Variants in SUGCT observed in about 807,000 individuals in gnomAD.
SUGCT encodes succinyl-CoA:glutarate-CoA transferase.
SUGCT carries 41 observed loss-of-function variants against 55.0 expected under a neutral mutation model. That is an observed-to-expected ratio of 0.74 (90% CI 0.58 to 0.97). The LOEUF (loss-of-function observed/expected upper bound fraction) is 0.97, where lower values mean the gene tolerates loss of function less well. SUGCT is among the 50% of genes least tolerant of loss of function. SUGCT has a pLI of 0.00. For synonymous variants in SUGCT, 187 were observed against 200.4 expected, an observed-to-expected ratio of 0.93 and a Z score of 0.56; for missense variants, 568 against 547.8, an observed-to-expected ratio of 1.04 and a Z score of -0.37.
chr7:40,735,201 G>T (rs1787093531), intron 12 of SUGCT, among the ~76,000 whole-genome samples: 1 of 152,146 alleles, frequency 6.6e-6, no homozygotes, highest in Non-Finnish European at 1.5e-5. Flanking sequence ...TTAATTAAAG[G>T]CCCCACTGCC....
intron 9 of SUGCT, among the ~76,000 whole-genome samples, chr7:40,341,576 T>G (rs1185358424): frequency 6.6e-6 from 1 of 152,176 alleles, no homozygotes; most frequent in East Asian, 1.9e-4. Flanking sequence ...GGATTTAAGC[T>G]CTTTTGGCCA....
chr7:40,588,757 T>C (rs892943222), intron 12 of SUGCT, among the ~76,000 whole-genome samples: 1 of 152,338 alleles, frequency 6.6e-6, no homozygotes, highest in African/African-American at 2.4e-5. Flanking sequence ...ACAGGATATG[T>C]TATTCTTTGA....
chr7:40,266,010 G>A (rs1584506171), intron 7 of SUGCT, among the ~76,000 whole-genome samples: 1 of 152,110 alleles, frequency 6.6e-6, no homozygotes, highest in Admixed American at 6.6e-5. Context: ...AGGTAGTGGT[G>A]TGGTTTTTCC....
chr7:40,818,300 T>C (rs1459402897), intron 13 of SUGCT, among the ~76,000 whole-genome samples: 1 of 152,188 alleles, frequency 6.6e-6, no homozygotes, highest in East Asian at 1.9e-4. Flanking sequence ...ACCAGCTCTT[T>C]CAAGAGAGAA....
chr7:40,339,529 G>A (rs567288024), intron 9 of SUGCT, among the ~76,000 whole-genome samples: 7 of 152,316 alleles, frequency 4.6e-5, no homozygotes, highest in African/African-American at 1.4e-4. Context: ...CTCCATGGGC[G>A]TGGGACCCTC....
chr7:40,483,677 C>T (rs951146399), intron 11 of SUGCT, among the ~76,000 whole-genome samples: 4 of 146,438 alleles, frequency 2.7e-5, no homozygotes, highest in African/African-American at 1.0e-4. Flanking sequence ...CCTGTAAGTC[C>T]ATAAGAAGAC....
intron 13 of SUGCT, among the ~76,000 whole-genome samples, chr7:40,779,356 G>A (rs530292702): frequency 6.6e-6 from 1 of 152,134 alleles, no homozygotes; most frequent in Non-Finnish European, 1.5e-5. Flanking sequence ...TGTACATACT[G>A]CATTGCATTA....
rs138102615 is a variant in SUGCT, at chr7:40,195,054, A to C, written c.478A>C (p.Ile160Leu). ...EIAPHIIYCSITGYGQTGPIS... is the reference protein window; with the variant it reads ...EIAPHIIYCSLTGYGQTGPIS... ...TGCTCCTCACATCATCTATTGTTCC[A>C]TCACAGGTATTTCAACCCCACACCC... The change falls in exon 6 of 14, where the codon ATC becomes CTC. Residue 160 changes from isoleucine to leucine, a missense_variant. Transcript: ENST00000335693. 955 of 1,612,632 alleles carry C rather than the reference A, an allele frequency of 5.9e-4. 5 individuals carry two copies. In the East Asian group the frequency reaches 0.015, roughly 25 times the overall value.
At chr7:40,227,663 T>G (rs1045242754) in intron 6 of SUGCT, among the ~76,000 whole-genome samples, 2 of 152,046 alleles carry the variant, frequency 1.3e-5, no homozygotes, top group Non-Finnish European at 2.9e-5. Context: ...TCAATTATTT[T>G]AAAGCAAACC....
intron 10 of SUGCT, among the ~76,000 whole-genome samples, 170 bp from the exon 11 acceptor site, chr7:40,458,931 T>C (rs1394174103): frequency 1.3e-5 from 2 of 152,222 alleles, no homozygotes; most frequent in Admixed American, 6.5e-5. Context: ...TTCACCAGCA[T>C]GTTCCATCCT....
At chr7:40,526,021 T>A (rs1262940562) in intron 12 of SUGCT, among the ~76,000 whole-genome samples, 1 of 152,164 alleles carries the variant, frequency 6.6e-6, no homozygotes, top group East Asian at 1.9e-4. Context: ...ATTCAGAAGT[T>A]GACTCATGAA....
At chr7:40,500,754 C>T (rs1051599279) in intron 12 of SUGCT, among the ~76,000 whole-genome samples, 2 of 151,952 alleles carry the variant, frequency 1.3e-5, no homozygotes, top group African/African-American at 4.8e-5. Flanking sequence ...CACATTTTGG[C>T]AAAATATCTG....
At chr7:40,579,448 A>G (rs150750096) in intron 12 of SUGCT, among the ~76,000 whole-genome samples, 36 of 152,260 alleles carry the variant, frequency 2.4e-4, no homozygotes, top group African/African-American at 8.4e-4. Context: ...CAGGCCCACG[A>G]TGGAATCCCC....
the SUGCT span, among the ~76,000 whole-genome samples, chr7:40,975,800 G>A: frequency 1.3e-5 from 2 of 152,208 alleles, no homozygotes; most frequent in Non-Finnish European, 2.9e-5. Flanking sequence ...TAGAATGTGT[G>A]TTGAATGAAC....
At chr7:40,519,079 C>T (rs2151570279) in intron 12 of SUGCT, among the ~76,000 whole-genome samples, 1 of 152,156 alleles carries the variant, frequency 6.6e-6, no homozygotes, top group East Asian at 1.9e-4. Flanking sequence ...ACAAAGGGCA[C>T]ACCACTTTTG....
At chr7:40,527,852 A>G (rs543179552) in intron 12 of SUGCT, among the ~76,000 whole-genome samples, 94 of 152,306 alleles carry the variant, frequency 6.2e-4, no homozygotes, top group African/African-American at 2.2e-3. Flanking sequence ...ATGCATGCCA[A>G]CTCTAAATAT....
At chr7:40,446,337 C>T (rs896364181) in intron 9 of SUGCT, among the ~76,000 whole-genome samples, 3 of 152,064 alleles carry the variant, frequency 2.0e-5, no homozygotes, top group Non-Finnish European at 4.4e-5. Context: ...ATTCGCCCCC[C>T]ATCTCACCCT....
At chr7:40,879,953 C>T in the SUGCT span, among the ~76,000 whole-genome samples, 2 of 152,160 alleles carry the variant, frequency 1.3e-5, no homozygotes, top group East Asian at 1.9e-4. Flanking sequence ...CAAAGCAAGT[C>T]ATGAGGCCCA....
intron 12 of SUGCT, among the ~76,000 whole-genome samples, chr7:40,690,769 G>C (rs1784659790): frequency 6.6e-6 from 1 of 151,948 alleles, no homozygotes; most frequent in Non-Finnish European, 1.5e-5. Context: ...GTAGAAACGG[G>C]GTTTCACCAT....
Sources: allele counts gnomAD v4.1 joint callset (sites outside exome capture counted in the v4.1 genomes callset), GRCh38; gene constraint gnomAD v4.1.1; transcripts MANE v1.5; gene names NCBI Gene and HGNC (gene_info 2026-07-23, HGNC 2026-07-21).